Variants in KANSL1L observed in about 807,000 individuals in gnomAD.
The protein encoded by KANSL1L is KAT8 regulatory NSL complex subunit 1 like.
Under a neutral mutation model 108.6 loss-of-function variants are expected in KANSL1L, and 25 were observed. The observed-to-expected ratio is 0.23, with a 90% confidence interval of 0.17 to 0.32. The LOEUF is 0.32. Ranked by LOEUF, KANSL1L falls within the 10% of genes least tolerant of loss-of-function variation. KANSL1L has a pLI of 1.00. For synonymous variants in KANSL1L, 405 were observed against 395.1 expected (o/e 1.03, Z -0.30); for missense variants, 1,137 against 1,125.7 (o/e 1.01, Z -0.14).
chr2:210,071,238 G>T (rs2094505726), intron 6 of KANSL1L, among the ~76,000 whole-genome samples: 1 of 151,932 alleles, frequency 6.6e-6, no homozygotes. Context: ...GCATGCATCT[G>T]TGTCTAAATT....
At chr2:210,025,025 GTC>G in intron 13 of KANSL1L, 77 bp downstream of exon 13, 2 of 864,892 alleles carry the variant, frequency 2.3e-6, no homozygotes, top group Middle Eastern at 2.2e-4. Context: ...CTTTTTACTG[GTC>G]TCACCCAAAA....
intron 5 of KANSL1L, among the ~76,000 whole-genome samples, chr2:210,090,819 C>T (rs533814843): frequency 6.6e-6 from 1 of 152,334 alleles, no homozygotes; most frequent in South Asian, 2.1e-4. Context: ...AGGCATGAGC[C>T]ACCATGCCCA....
At chr2:210,067,869 T>G (rs1285959743) in intron 6 of KANSL1L, among the ~76,000 whole-genome samples, 1 of 152,026 alleles carries the variant, frequency 6.6e-6, no homozygotes, top group East Asian at 1.9e-4. Flanking sequence ...ATATTTTTAT[T>G]TTATTTTATT....
At chr2:210,058,205 G>A (rs1005550646) in intron 6 of KANSL1L, among the ~76,000 whole-genome samples, 11 of 151,948 alleles carry the variant, frequency 7.2e-5, no homozygotes, top group Admixed American at 2.0e-4. Flanking sequence ...TTCAGGGGGC[G>A]GCTGACTTTT....
chr2:210,038,337 T>A (rs2125170104), intron 8 of KANSL1L, among the ~76,000 whole-genome samples: 1 of 152,046 alleles, frequency 6.6e-6, no homozygotes, highest in Admixed American at 6.5e-5. Flanking sequence ...ACTGAACTTA[T>A]AAAAAAATAC....
rs191653796 is a variant in KANSL1L at position 210,038,187 on chromosome 2, C to G, written c.2029+2233G>C. Among the ~76,000 whole-genome samples, 17 of 151,950 alleles carry G rather than the reference C, an allele frequency of 1.1e-4. No homozygotes were observed. The East Asian group carries it at 3.3e-3, about 29-fold the overall frequency. On this transcript the variant is annotated intron_variant, in intron 8 of 14. Transcript: ENST00000281772. ...TCACAAAAACATGTTAAGATGAATACAGTTGCGAAAAAAGCTTTCATATTT... is the reference window on the plus strand; with the variant it reads ...TCACAAAAACATGTTAAGATGAATAGAGTTGCGAAAAAAGCTTTCATATTT...
Position 210,103,700 on chromosome 2 carries a change from C to T in KANSL1L, c.1428+404G>A, listed in dbSNP as rs187727350. On this transcript the variant is annotated intron_variant, in intron 4 of 14. Transcript: ENST00000281772. ...ACATAATCATTTTTTATGAACAAATCCATATTCCAATATTATCTTTCACTA... is the reference window on the plus strand; with the variant it reads ...ACATAATCATTTTTTATGAACAAATTCATATTCCAATATTATCTTTCACTA... Among the ~76,000 whole-genome samples, 371 of 152,154 alleles carry T rather than the reference C, an allele frequency of 2.4e-3. 1 individual carries two copies. The highest frequency in any genetic ancestry group is 3.9e-3 in the Non-Finnish European group (265 of 67,998).
intron 2 of KANSL1L, among the ~76,000 whole-genome samples, chr2:210,136,051 T>A (rs1216311950): frequency 2.0e-5 from 3 of 152,078 alleles, no homozygotes; most frequent in African/African-American, 7.2e-5. Context: ...TAAACCACAT[T>A]AAAAAGTGCA....
In KANSL1L at chr2:210,113,454, T is replaced by G. The variant is rs576373223; in HGVS notation, c.1231-9153A>C. 7.9e-5 allele frequency among the ~76,000 whole-genome samples: 12 copies of G among 151,490 alleles called. No homozygotes were observed. In the South Asian group the frequency reaches 2.3e-3, roughly 29 times the overall value. The stretch of plus-strand genomic sequence containing the variant: ...TAAACAAAAATGATTTTAAAAGTCC[T>G]GCAGAAAGGGAAAGAATCTGATTTC... On this transcript the variant is annotated intron_variant, in intron 3 of 14. Transcript: ENST00000281772.
chr2:210,064,578 T>G (rs954433987), intron 6 of KANSL1L, among the ~76,000 whole-genome samples: 26 of 152,060 alleles, frequency 1.7e-4, no homozygotes, highest in African/African-American at 5.8e-4. Context: ...GGAAGGCTAA[T>G]GCAGGAGGAT....
In KANSL1L at chr2:210,029,790, TG is replaced by T; in HGVS notation, c.2271+12del. 1 of 1,352,746 alleles carries T rather than the reference TG, an allele frequency of 7.4e-7. No homozygotes were observed. The highest frequency in any genetic ancestry group is 1.0e-6 in the Non-Finnish European group (1 of 958,340). 83.8% of individuals were successfully genotyped at this position (1,352,746 alleles called of 1,614,324 possible). A position where few individuals can be genotyped will look rare whatever the true frequency, so the allele number is the denominator to read the frequency against. ...TAAAGCTATTTTAGAGTTCAACATA[TG>T]GAAAAACCTACTCGTGATGAATTCT... On this transcript the variant is annotated intron_variant, in intron 10 of 14. Coordinates refer to ENST00000281772, the MANE Select transcript of KANSL1L (RefSeq NM_152519.4).
chr2:210,040,474 CT>C lies in KANSL1L; in HGVS notation c.1974del (p.Gly659AlafsTer9). ...ACAAATTTATTTTCAGCAAGATTGC[CT>C]TTTATTTCAGTCTTTTTTAACAGTG... ...FETLLKKTEI[K>X]GNLAENKFVD... On this transcript the variant is annotated frameshift_variant, in exon 8 of 15. Coordinates refer to ENST00000281772, the MANE Select transcript of KANSL1L (RefSeq NM_152519.4). LOFTEE classifies it high-confidence loss of function. The C allele has an allele frequency of 1.9e-6, 3 of 1,569,586 alleles. No individual in the cohort carries two copies. Among genetic ancestry groups the C allele is most frequent in the Non-Finnish European group, 1.7e-6 (2 of 1,148,166 alleles).
chr2:210,022,723 T>C lies in KANSL1L; in HGVS notation c.*226A>G, dbSNP rs1031226256. ...TAATATCTTGGTGTTTGTAAGTAAG[T>C]TGCATGATAAACACAAATGACTACC... On this transcript the variant is annotated 3_prime_UTR_variant, in exon 15 of 15. Coordinates refer to ENST00000281772, the MANE Select transcript of KANSL1L (RefSeq NM_152519.4). The C allele has an allele frequency of 2.0e-6, 1 of 500,480 alleles. No individual in the cohort carries two copies. The highest frequency in any genetic ancestry group is 1.9e-5 in the African/African-American group (1 of 51,874). The allele number at this position is 500,480 out of a possible 1,614,324, so 31.0% of individuals were successfully genotyped here. A position where few individuals can be genotyped will look rare whatever the true frequency, so the allele number is the denominator to read the frequency against.
At chr2:210,143,066 G>A (rs979323466) in intron 2 of KANSL1L, among the ~76,000 whole-genome samples, 9 of 151,922 alleles carry the variant, frequency 5.9e-5, no homozygotes, top group African/African-American at 1.9e-4. Flanking sequence ...TTATTGTATT[G>A]CAGTCTATTT....
At chr2:210,028,704 T>G in intron 11 of KANSL1L, 141 bp downstream of exon 11, 1 of 635,756 alleles carries the variant, frequency 1.6e-6, no homozygotes. Flanking sequence ...ACGAGTAATT[T>G]TTTTTTCACC....
At chr2:210,051,047 T>TG (rs770354326) in intron 6 of KANSL1L, among the ~76,000 whole-genome samples, 3 of 152,122 alleles carry the variant, frequency 2.0e-5, no homozygotes, top group Non-Finnish European at 2.9e-5. Flanking sequence ...CAAGTGTGCA[T>TG]GGAATGTACA....
intron 6 of KANSL1L, among the ~76,000 whole-genome samples, chr2:210,057,688 G>C (rs545200169): frequency 1.3e-5 from 2 of 152,180 alleles, no homozygotes; most frequent in Non-Finnish European, 2.9e-5. Flanking sequence ...GCAGAAGAAC[G>C]TGGATTGTGA....
chr2:210,079,706 A>ATATATATATGTATGTGTGTG (rs2094574553), intron 5 of KANSL1L: 1 of 125,104 alleles, frequency 8.0e-6, no homozygotes, highest in African/African-American at 3.3e-5. Context: ...GTGTGTATAT[A>ATATATATATGTATGTGTGTG]TATATATATA....
At chr2:210,161,780 TA>T (rs1383494170) in intron 1 of KANSL1L, among the ~76,000 whole-genome samples, 1 of 152,148 alleles carries the variant, frequency 6.6e-6, no homozygotes, top group Non-Finnish European at 1.5e-5. Flanking sequence ...AAATTTTATT[TA>T]TTTTTTTAGG....
Sources: gnomAD v4.1 joint callset for allele counts (sites outside exome capture counted in the v4.1 genomes callset) on GRCh38, gnomAD v4.1.1 for gene constraint, MANE v1.5 for transcripts, NCBI Gene and HGNC (gene_info 2026-07-23, HGNC 2026-07-21) for gene names.